Variants in NPAS3 observed in about 807,000 individuals in gnomAD.
NPAS3 encodes the protein neuronal PAS domain protein 3.
A neutral mutation model predicts 73.1 loss-of-function variants in NPAS3; 14 were observed. The ratio of observed to expected loss-of-function variants is 0.19; its 90% CI spans 0.13 to 0.30. The LOEUF is 0.30. Ranked by LOEUF, NPAS3 falls within the 10% of genes least tolerant of loss-of-function variation. NPAS3 has a pLI of 1.00. For missense variants in NPAS3, 1,096 were observed against 1,250.0 expected (o/e 0.88, Z 1.86); for synonymous variants, 620 against 541.5 (o/e 1.14, Z -2.01).
At chr14:33,505,972 T>C (rs1266405828) in intron 4 of NPAS3, among the ~76,000 whole-genome samples, 1 of 151,970 alleles carries the variant, frequency 6.6e-6, no homozygotes, top group African/African-American at 2.4e-5. Flanking sequence ...AAGTACTTCC[T>C]CCAGCCCCAT....
intron 3 of NPAS3, among the ~76,000 whole-genome samples, chr14:33,244,620 C>T (rs2048318115): frequency 6.6e-6 from 1 of 152,022 alleles, no homozygotes; most frequent in South Asian, 2.1e-4. Context: ...ACAGATGAAA[C>T]AGGCCAAGAC....
intron 3 of NPAS3, among the ~76,000 whole-genome samples, chr14:33,266,576 T>C (rs2040826846): frequency 6.6e-6 from 1 of 152,206 alleles, no homozygotes; most frequent in African/African-American, 2.4e-5. Flanking sequence ...CTGTATCTGA[T>C]ACTTTACTAT....
At chr14:33,566,222 T>TC (rs2055925354) in intron 5 of NPAS3, among the ~76,000 whole-genome samples, 2 of 134,266 alleles carry the variant, frequency 1.5e-5, no homozygotes, top group Admixed American at 1.5e-4. Context: ...AAGAAATTGA[T>TC]TTTTCCCCCC....
At chr14:33,032,495 A>G (rs146143861) in intron 1 of NPAS3, among the ~76,000 whole-genome samples, 52 of 152,286 alleles carry the variant, frequency 3.4e-4, no homozygotes, top group Middle Eastern at 3.4e-3. Flanking sequence ...ATTAGTGACC[A>G]TAACTTGACT....
chr14:32,995,613 T>G (rs549292472), intron 1 of NPAS3, among the ~76,000 whole-genome samples: 1 of 152,308 alleles, frequency 6.6e-6, no homozygotes, highest in African/African-American at 2.4e-5. Flanking sequence ...GCCATGCTGT[T>G]CTTGTGATAG....
At position 33,618,561 on chromosome 14, in the gene NPAS3, C is replaced by T. The variant is rs1003171764; in HGVS notation, c.559-57650C>T. Among the ~76,000 whole-genome samples the T allele has an allele frequency of 2.6e-5, 4 of 152,116 alleles. 1 individual carries two copies. In the East Asian group the frequency reaches 7.7e-4, roughly 29 times the overall value. The stretch of plus-strand genomic sequence containing the variant: ...AAGTAATGGGGAGCAGCTGTAAATA[C>T]AGATAAAGCTTCGCTGGCTCACCTG... On this transcript the variant is annotated intron_variant, in intron 5 of 11. Coordinates refer to ENST00000356141, the Ensembl canonical transcript of NPAS3.
At chr14:33,292,931 A>G (rs2042158210) in intron 3 of NPAS3, among the ~76,000 whole-genome samples, 1 of 152,174 alleles carries the variant, frequency 6.6e-6, no homozygotes, top group Non-Finnish European at 1.5e-5. Flanking sequence ...GGTTACTAGA[A>G]TCAATGGGGA....
chr14:33,375,364 T>C (rs1211171925), intron 4 of NPAS3, among the ~76,000 whole-genome samples: 3 of 152,236 alleles, frequency 2.0e-5, no homozygotes, highest in African/African-American at 7.2e-5. Flanking sequence ...GTTCAGCTCA[T>C]ATTGAGTAAT....
At chr14:33,000,129 C>T (rs2038751601) in intron 1 of NPAS3, among the ~76,000 whole-genome samples, 1 of 151,996 alleles carries the variant, frequency 6.6e-6, no homozygotes, top group African/African-American at 2.4e-5. Flanking sequence ...TTTAATGGTG[C>T]CTGGAGAGTG....
At chr14:33,300,585 A>T (rs1341454692) in intron 3 of NPAS3, among the ~76,000 whole-genome samples, 2 of 152,184 alleles carry the variant, frequency 1.3e-5, no homozygotes, top group African/African-American at 4.8e-5. Flanking sequence ...TGAGAAGCTG[A>T]GGGGACCCAC....
chr14:33,309,194 T>G (rs899356570), intron 3 of NPAS3, among the ~76,000 whole-genome samples: 1 of 152,142 alleles, frequency 6.6e-6, no homozygotes, highest in African/African-American at 2.4e-5. Flanking sequence ...CCTTTTCCTT[T>G]TTTATATTTT....
chr14:33,098,287 C>A (rs2042481564), intron 2 of NPAS3, among the ~76,000 whole-genome samples: 1 of 152,096 alleles, frequency 6.6e-6, no homozygotes, highest in Non-Finnish European at 1.5e-5. Flanking sequence ...GCCTCCAATA[C>A]AAATTTTAAT....
At chr14:33,684,090 G>T (rs1309684358) in intron 6 of NPAS3, among the ~76,000 whole-genome samples, 1 of 152,108 alleles carries the variant, frequency 6.6e-6, no homozygotes, top group African/African-American at 2.4e-5. Context: ...CAGGTGGGAA[G>T]CCTAGGAACT....
At chr14:33,761,352 C>T (rs913208640) in intron 7 of NPAS3, among the ~76,000 whole-genome samples, 1 of 152,132 alleles carries the variant, frequency 6.6e-6, no homozygotes, top group Non-Finnish European at 1.5e-5. Context: ...GGTTTGAAAG[C>T]TCTGGGTGGA....
chr14:33,540,432 CACTT>C (rs1481429804), intron 4 of NPAS3, among the ~76,000 whole-genome samples: 5 of 152,188 alleles, frequency 3.3e-5, no homozygotes, highest in Non-Finnish European at 5.9e-5. Context: ...TGACTGTTAT[CACTT>C]AATTAAATCC....
intron 1 of NPAS3, among the ~76,000 whole-genome samples, chr14:33,014,499 C>A (rs2039325696): frequency 6.6e-6 from 1 of 152,026 alleles, no homozygotes; most frequent in South Asian, 2.1e-4. Flanking sequence ...ATGATCACAT[C>A]CTTTTATGAA....
chr14:33,297,523 C>T (rs930594809), intron 3 of NPAS3, among the ~76,000 whole-genome samples: 2 of 152,058 alleles, frequency 1.3e-5, no homozygotes, highest in Non-Finnish European at 2.9e-5. Flanking sequence ...CTTGGAGATG[C>T]TGAGCATGCA....
chr14:33,716,969 T>G (rs1469949526), intron 6 of NPAS3, among the ~76,000 whole-genome samples: 3 of 152,114 alleles, frequency 2.0e-5, no homozygotes, highest in African/African-American at 7.2e-5. Context: ...CATTTAAATG[T>G]GTTATAAAAT....
chr14:33,406,244 C>T (rs1472633819), intron 4 of NPAS3, among the ~76,000 whole-genome samples: 6 of 152,028 alleles, frequency 3.9e-5, no homozygotes, highest in African/African-American at 1.4e-4. Flanking sequence ...TTTAGCCATG[C>T]CCTGTCTACT....
Sources: gnomAD v4.1 joint callset for allele counts (sites outside exome capture counted in the v4.1 genomes callset) on GRCh38, gnomAD v4.1.1 for gene constraint, MANE v1.5 for transcripts, NCBI Gene and HGNC (gene_info 2026-07-23, HGNC 2026-07-21) for gene names.